Variants in KCNIP4 observed in about 807,000 individuals in gnomAD.
The protein encoded by KCNIP4 is Kv channel-interacting protein 4.
In KCNIP4, 12 loss-of-function variants were observed where a neutral mutation model predicts 34.0. That is an observed-to-expected ratio of 0.35 (90% CI 0.23 to 0.57). The LOEUF is 0.57. KCNIP4 is among the 20% of genes least tolerant of loss of function. The pLI, the probability that KCNIP4 is intolerant of heterozygous loss-of-function variation, is 0.83. For synonymous variants in KCNIP4, 124 were observed against 102.2 expected (o/e 1.21, Z -1.29); for missense variants, 238 against 311.7 (o/e 0.76, Z 1.78).
chr4:21,782,224 G>A (rs1560710509), intron 1 of KCNIP4, among the ~76,000 whole-genome samples: 1 of 151,950 alleles, frequency 6.6e-6, no homozygotes, highest in East Asian at 1.9e-4. Context: ...CAAATATAAT[G>A]ATATATATAC....
chr4:21,566,318 C>T (rs1029027315), intron 1 of KCNIP4, among the ~76,000 whole-genome samples: 2 of 152,118 alleles, frequency 1.3e-5, no homozygotes, highest in Admixed American at 6.6e-5. Context: ...TGTATCCCTA[C>T]CCAAATCTCA....
At chr4:21,248,443 A>C (rs2109070556) in intron 1 of KCNIP4, among the ~76,000 whole-genome samples, 1 of 152,288 alleles carries the variant, frequency 6.6e-6, no homozygotes, top group South Asian at 2.1e-4. Context: ...CGGATTTGCT[A>C]ATTGGGTTTC....
chr4:21,369,029 G>C (rs1560335801), intron 1 of KCNIP4, among the ~76,000 whole-genome samples: 1 of 146,956 alleles, frequency 6.8e-6, no homozygotes, highest in Non-Finnish European at 1.5e-5. Flanking sequence ...TTGCAGTAAA[G>C]GGATGCAGAG....
rs181217060 is a variant in KCNIP4, at chr4:21,509,309, T to C, written c.61+439262A>G. Among the ~76,000 whole-genome samples, 41 of 152,254 alleles carry C rather than the reference T, an allele frequency of 2.7e-4. 1 individual carries two copies. The highest frequency in any genetic ancestry group is 4.6e-4 in the Non-Finnish European group (31 of 68,018). On this transcript the variant is annotated intron_variant, in intron 1 of 8. Coordinates refer to ENST00000382152, the MANE Select transcript of KCNIP4 (RefSeq NM_025221.6). ...AGGTATGATTAATAGTCAGTCCTCTTTTACAGGTATGAAAATTGAACCTTA... is the reference window on the plus strand; with the variant it reads ...AGGTATGATTAATAGTCAGTCCTCTCTTACAGGTATGAAAATTGAACCTTA...
At position 21,871,225 on chromosome 4, in the gene KCNIP4, C is replaced by T. The variant is rs376614245; in HGVS notation, c.61+77346G>A. Reference sequence around the variant, plus strand: ...TGGTCATTTACATTAGGTCTATCTCCTAATGCTATCCCTCCCCCCTCCCCC... The same window carrying T: ...TGGTCATTTACATTAGGTCTATCTCTTAATGCTATCCCTCCCCCCTCCCCC... On this transcript the variant is annotated intron_variant, in intron 1 of 8. Coordinates refer to ENST00000382152, the MANE Select transcript of KCNIP4 (RefSeq NM_025221.6). Among the ~76,000 whole-genome samples, 676 of 145,732 alleles carry T rather than the reference C, an allele frequency of 4.6e-3. 4 individuals carry two copies. The highest frequency in any genetic ancestry group is 0.019 in the South Asian group (81 of 4,236).
intron 1 of KCNIP4, among the ~76,000 whole-genome samples, chr4:21,126,160 G>C (rs4697206): frequency 6.6e-6 from 1 of 151,776 alleles, no homozygotes; most frequent in Non-Finnish European, 1.5e-5. Context: ...TAAACACAAC[G>C]TCAAAGATTC....
chr4:21,657,903 G>A (rs935082778), intron 1 of KCNIP4, among the ~76,000 whole-genome samples: 10 of 150,996 alleles, frequency 6.6e-5, no homozygotes, highest in South Asian at 2.1e-4. Context: ...GCAGTGGAAC[G>A]ATCTCGGCTC....
At chr4:21,913,155 GC>G (rs1325607057) in intron 1 of KCNIP4, among the ~76,000 whole-genome samples, 1 of 151,928 alleles carries the variant, frequency 6.6e-6, no homozygotes, top group Non-Finnish European at 1.5e-5. Context: ...CCATAAGAAT[GC>G]TTTCCTTTGA....
At chr4:21,849,225 CTCTAT>C (rs1724217959) in intron 1 of KCNIP4, 1 of 152,104 alleles carries the variant, frequency 6.6e-6, no homozygotes, top group Non-Finnish European at 1.5e-5. Flanking sequence ...TTCTAATCCA[CTCTAT>C]TCTTTTAGCT....
intron 1 of KCNIP4, among the ~76,000 whole-genome samples, chr4:21,393,056 A>T (rs575329971): frequency 3.0e-4 from 46 of 152,262 alleles, no homozygotes; most frequent in Non-Finnish European, 5.7e-4. Flanking sequence ...AATGGAATCA[A>T]ATTTGTTGTG....
At chr4:20,930,817 C>A (rs187361857) in intron 1 of KCNIP4, among the ~76,000 whole-genome samples, 1 of 146,840 alleles carries the variant, frequency 6.8e-6, no homozygotes, top group East Asian at 2.1e-4. Context: ...TATCACCCTT[C>A]ACCCATTAGG....
chr4:21,275,407 A>G (rs969406107), intron 1 of KCNIP4, among the ~76,000 whole-genome samples: 1 of 152,218 alleles, frequency 6.6e-6, no homozygotes, highest in Non-Finnish European at 1.5e-5. Context: ...TCTATAAAAC[A>G]GGAAACCTCA....
intron 1 of KCNIP4, among the ~76,000 whole-genome samples, chr4:21,757,278 A>AAAG (rs1717724565): frequency 2.3e-5 from 2 of 87,944 alleles, no homozygotes. Flanking sequence ...AAAAGAAAAG[A>AAAG]AAAGAAAAGA....
intron 1 of KCNIP4, among the ~76,000 whole-genome samples, chr4:21,736,957 C>G (rs111339956): frequency 0.021 from 3,141 of 152,182 alleles, 61 homozygotes; most frequent in African/African-American, 0.043. Flanking sequence ...CCTGCTAGAG[C>G]TCTAGAAGAA....
At chr4:21,417,833 G>A (rs1024236866) in intron 1 of KCNIP4, among the ~76,000 whole-genome samples, 16 of 152,136 alleles carry the variant, frequency 1.1e-4, no homozygotes, top group Admixed American at 8.5e-4. Context: ...AGCTAGGGTA[G>A]GAGTCACTGT....
At chr4:21,502,526 T>C in intron 1 of KCNIP4, among the ~76,000 whole-genome samples, 1 of 151,908 alleles carries the variant, frequency 6.6e-6, no homozygotes, top group African/African-American at 2.4e-5. Context: ...ATTTTCAAAA[T>C]TTATTTTTTT....
chr4:21,176,968 A>G (rs1373986949), intron 1 of KCNIP4, among the ~76,000 whole-genome samples: 1 of 152,242 alleles, frequency 6.6e-6, no homozygotes. Context: ...ATATTCAGTG[A>G]GTAGGTACTC....
At chr4:21,259,485 C>T (rs1182048069) in intron 1 of KCNIP4, among the ~76,000 whole-genome samples, 3 of 152,114 alleles carry the variant, frequency 2.0e-5, no homozygotes, top group Admixed American at 6.5e-5. Context: ...CAAGTTTTTA[C>T]ACCATTTAAT....
chr4:20,847,549 T>TG (rs1245759805), intron 3 of KCNIP4, among the ~76,000 whole-genome samples: 6 of 126,774 alleles, frequency 4.7e-5, no homozygotes, highest in South Asian at 2.5e-4. Context: ...CTGCTCACTT[T>TG]TGAGACTCAG....
Sources: allele counts gnomAD v4.1 joint callset (sites outside exome capture counted in the v4.1 genomes callset), GRCh38; gene constraint gnomAD v4.1.1; transcripts MANE v1.5; gene names NCBI Gene and HGNC (gene_info 2026-07-23, HGNC 2026-07-21).